The following PLCB1 variants were observed in gnomAD, a reference collection of about 807,000 sequenced individuals.
PLCB1 encodes the protein phospholipase C beta 1.
Under a neutral mutation model 161.8 loss-of-function variants are expected in PLCB1, and 46 were observed. The ratio of observed to expected loss-of-function variants is 0.28; its 90% confidence interval spans 0.22 to 0.36. PLCB1 has a LOEUF of 0.36. PLCB1 is among the 10% of genes least tolerant of loss of function. The probability of loss-of-function intolerance (pLI) is 1.00; values close to 1 mark genes in which losing one functional copy is unlikely to be tolerated. For synonymous variants in PLCB1, 517 were observed against 503.7 expected, an observed-to-expected ratio of 1.03 and a Z score of -0.35; for missense variants, 1,016 against 1,472.5, an observed-to-expected ratio of 0.69 and a Z score of 5.07.
intron 3 of PLCB1, among the ~76,000 whole-genome samples, chr20:8,389,745 T>G (rs1408092077): frequency 2.0e-5 from 3 of 152,294 alleles, no homozygotes; most frequent in African/African-American, 7.2e-5. Context: ...AAGCCAGGGT[T>G]TTCAATCATG....
intron 3 of PLCB1, among the ~76,000 whole-genome samples, chr20:8,588,298 G>C (rs1346067325): frequency 6.6e-6 from 1 of 152,064 alleles, no homozygotes; most frequent in African/African-American, 2.4e-5. Context: ...CATAGTAGTG[G>C]TCTGTCTCTT....
chr20:8,149,996 A>C lies in PLCB1; in HGVS notation c.100-298A>C, dbSNP rs1032609943. Among the ~76,000 whole-genome samples, 3 of 152,124 alleles carry C rather than the reference A, an allele frequency of 2.0e-5. No individual in the cohort carries two copies. In the South Asian group the frequency reaches 6.2e-4, roughly 31 times the overall value. ...AAAATAAGTAATGATGTTTAGTGTT[A>C]AAATTATTTGAAAAGCTAAATATAG... On this transcript the variant is annotated intron_variant, in intron 1 of 31. Coordinates refer to ENST00000338037, the MANE Select transcript of PLCB1 (RefSeq NM_015192.4).
At chr20:8,418,235 C>A (rs1210560475) in intron 3 of PLCB1, among the ~76,000 whole-genome samples, 3 of 152,200 alleles carry the variant, frequency 2.0e-5, no homozygotes, top group African/African-American at 7.2e-5. Context: ...CTTCAGTGGA[C>A]TTCAACAGTT....
At chr20:8,815,366 T>C (rs76415136) in intron 31 of PLCB1, among the ~76,000 whole-genome samples, 4,022 of 152,296 alleles carry the variant, frequency 0.026, 165 homozygotes, top group African/African-American at 0.092. Context: ...GTGTTCAGAC[T>C]GTAGTGCCAT....
chr20:8,666,862 G>A (rs1369615597), intron 9 of PLCB1, among the ~76,000 whole-genome samples: 1 of 152,060 alleles, frequency 6.6e-6, no homozygotes, highest in African/African-American at 2.4e-5. Flanking sequence ...ATAGAGGGGA[G>A]CCTGGAGTAC....
At chr20:8,553,430 A>G (rs1352189459) in intron 3 of PLCB1, among the ~76,000 whole-genome samples, 1 of 152,190 alleles carries the variant, frequency 6.6e-6, no homozygotes, top group East Asian at 1.9e-4. Flanking sequence ...TTTGGTGCCC[A>G]GAAATCTTGT....
intron 2 of PLCB1, among the ~76,000 whole-genome samples, chr20:8,238,029 C>T (rs1005069977): frequency 3.9e-5 from 6 of 151,934 alleles, no homozygotes; most frequent in Non-Finnish European, 5.9e-5. Context: ...TTCTCAAAGA[C>T]GAAAATGAAT....
chr20:8,418,344 C>A (rs73591786), intron 3 of PLCB1, among the ~76,000 whole-genome samples: 6,606 of 152,254 alleles, frequency 0.043, 449 homozygotes, highest in African/African-American at 0.15. Flanking sequence ...GCATTCAATC[C>A]TAGCACCAGC....
At chr20:8,855,229 C>T (rs1051680866) in intron 31 of PLCB1, among the ~76,000 whole-genome samples, 1 of 152,006 alleles carries the variant, frequency 6.6e-6, no homozygotes, top group Non-Finnish European at 1.5e-5. Context: ...CCCCCACTCA[C>T]TCCCACCAAT....
At chr20:8,751,001 TCTCGG>T (rs1981440472) in intron 23 of PLCB1, 1 of 432,746 alleles carries the variant, frequency 2.3e-6, no homozygotes, top group South Asian at 2.0e-5. Flanking sequence ...AGAGGCGCGA[TCTCGG>T]CTCACTGCAA....
chr20:8,489,562 T>C (rs1982863018), intron 3 of PLCB1, among the ~76,000 whole-genome samples: 1 of 152,174 alleles, frequency 6.6e-6, no homozygotes, highest in East Asian at 1.9e-4. Context: ...TTTCATTTAG[T>C]AGATTTTTCA....
In PLCB1 at chr20:8,772,462, C is replaced by G. The variant is rs555205074; in HGVS notation, c.2931-2077C>G. On this transcript the variant is annotated intron_variant, in intron 26 of 31. Transcript: ENST00000338037. Reference sequence around the variant, plus strand: ...CCATGCTGTGTCCTTGGCCAATTATCTCACAGAGCCGTGGTTTCCTCAAAT... The same window carrying G: ...CCATGCTGTGTCCTTGGCCAATTATGTCACAGAGCCGTGGTTTCCTCAAAT... 3.5e-4 allele frequency among the ~76,000 whole-genome samples: 54 copies of G among 152,284 alleles called. 1 individual carries two copies. Among genetic ancestry groups the G allele is most frequent in the African/African-American group, 1.1e-3 (44 of 41,554 alleles).
intron 3 of PLCB1, among the ~76,000 whole-genome samples, chr20:8,464,943 T>A (rs1478782117): frequency 6.6e-6 from 1 of 152,212 alleles, no homozygotes; most frequent in Admixed American, 6.5e-5. Context: ...ACCATATTTT[T>A]AATTCCTAGA....
chr20:8,316,453 G>A (rs763828150), intron 2 of PLCB1, among the ~76,000 whole-genome samples: 14 of 152,040 alleles, frequency 9.2e-5, no homozygotes, highest in Non-Finnish European at 2.1e-4. Flanking sequence ...CAATCAATTA[G>A]TGCTTATCCA....
intron 2 of PLCB1, among the ~76,000 whole-genome samples, chr20:8,261,521 T>C (rs1981697863): frequency 6.6e-6 from 1 of 152,144 alleles, no homozygotes; most frequent in African/African-American, 2.4e-5. Flanking sequence ...TCGAGCCTTA[T>C]GAAGAGAAGC....
chr20:8,166,357 A>G (rs970343362), intron 2 of PLCB1, among the ~76,000 whole-genome samples: 2 of 152,118 alleles, frequency 1.3e-5, no homozygotes, highest in African/African-American at 4.8e-5. Flanking sequence ...ATAATTTTAC[A>G]TTGTTGATAA....
chr20:8,711,960 G>A (rs183004691), intron 12 of PLCB1, among the ~76,000 whole-genome samples: 1 of 152,202 alleles, frequency 6.6e-6, no homozygotes, highest in Non-Finnish European at 1.5e-5. Flanking sequence ...TCAGAACTCT[G>A]GTCCCAGCTC....
intron 31 of PLCB1, among the ~76,000 whole-genome samples, chr20:8,808,567 C>G (rs961272879): frequency 6.6e-6 from 1 of 152,156 alleles, no homozygotes; most frequent in Admixed American, 6.5e-5. Context: ...AAGTATATCT[C>G]TCACACATAG....
chr20:8,788,323 A>G lies in PLCB1; in HGVS notation c.3112-126A>G. The G allele has an allele frequency of 3.7e-6, 3 of 818,468 alleles. No individual in the cohort carries two copies. In the South Asian group the frequency reaches 5.5e-5, roughly 15 times the overall value. 50.7% of individuals were successfully genotyped at this position (818,468 alleles called of 1,614,324 possible). A position where few individuals can be genotyped will look rare whatever the true frequency, so the allele number is the denominator to read the frequency against. Reference sequence around the variant, plus strand: ...TCATTGCCAATGTTAGATGTCTGACAACTTTAACTATTGTGAAACATCCAT... The same window carrying G: ...TCATTGCCAATGTTAGATGTCTGACGACTTTAACTATTGTGAAACATCCAT... On this transcript the variant is annotated intron_variant, in intron 27 of 31. Coordinates refer to ENST00000338037, the MANE Select transcript of PLCB1 (RefSeq NM_015192.4).
Sources: gnomAD v4.1 joint callset for allele counts (sites outside exome capture counted in the v4.1 genomes callset) on GRCh38, gnomAD v4.1.1 for gene constraint, MANE v1.5 for transcripts, NCBI Gene and HGNC (gene_info 2026-07-23, HGNC 2026-07-21) for gene names.